The following DNAH3 variants were observed in gnomAD, a reference collection of about 807,000 sequenced individuals.
DNAH3 encodes axonemal beta dynein heavy chain 3.
A neutral mutation model predicts 432.5 loss-of-function variants in DNAH3; 332 were observed. The observed-to-expected ratio is 0.77, with a 90% confidence interval of 0.70 to 0.84. DNAH3 has a LOEUF of 0.84. Among genes scored for constraint, DNAH3 ranks in the 40% least tolerant of loss-of-function variants. The probability of loss-of-function intolerance (pLI) is 0.00; values close to 1 mark genes in which losing one functional copy is unlikely to be tolerated. For synonymous variants in DNAH3, 1,956 were observed against 1,900.2 expected (o/e 1.03, Z -0.76); for missense variants, 4,861 against 5,114.0 (o/e 0.95, Z 1.51).
Position 21,134,396 on chromosome 16 carries a change from G to A in DNAH3, c.945C>T (p.Pro315=), listed in dbSNP as rs778808747. 31 of 1,614,198 alleles carry A rather than the reference G, an allele frequency of 1.9e-5. No individual in the cohort carries two copies. The Middle Eastern group carries it at 1.8e-3, about 94-fold the overall frequency. The stretch of plus-strand genomic sequence containing the variant: ...GGATCACTCTTTGAGGAAACAAGCG[G>A]GGGATGCTCTCAATAAAGAGCCGTT... The change falls in exon 7 of 62, where the codon CCC becomes CCT. Residue 315 remains proline, a synonymous_variant. Transcript: ENST00000261383.
At chr16:21,070,343 C>T (rs192769372) in intron 22 of DNAH3, among the ~76,000 whole-genome samples, 4 of 152,132 alleles carry the variant, frequency 2.6e-5, no homozygotes, top group Admixed American at 6.6e-5. Context: ...AGTGCAATGG[C>T]GCGATCTCGG....
intron 43 of DNAH3, 51 bp from the exon 44 acceptor site, chr16:20,997,513 G>T: frequency 6.3e-7 from 1 of 1,588,974 alleles, no homozygotes; most frequent in Non-Finnish European, 8.6e-7. Flanking sequence ...GGCATCTTCT[G>T]CTCTTACAGA....
chr16:21,003,788 T>TAAATATATACAATTAA (rs1168360673), intron 41 of DNAH3, among the ~76,000 whole-genome samples: 1 of 151,230 alleles, frequency 6.6e-6, no homozygotes, highest in Non-Finnish European at 1.5e-5. Flanking sequence ...AATAAATCAA[T>TAAATATATACAATTAA]AAATATATAC....
At chr16:21,069,729 A>G in intron 22 of DNAH3, 135 bp from the exon 23 acceptor site, 1 of 745,966 alleles carries the variant, frequency 1.3e-6, no homozygotes, top group South Asian at 1.9e-5. Context: ...ATACTTATTG[A>G]GGGCTCCCTA....
At chr16:20,985,864 GTTTT>G in intron 47 of DNAH3, 149 bp from the exon 48 acceptor site, 1 of 849,746 alleles carries the variant, frequency 1.2e-6, no homozygotes, top group Non-Finnish European at 1.8e-6. Flanking sequence ...GTTTTGTTTC[GTTTT>G]GTTTTGAGAC....
Position 20,963,482 on chromosome 16 carries a change from G to A in DNAH3, c.10402C>T (p.Gln3468Ter), listed in dbSNP as rs1159439736. Reference sequence around the variant, plus strand: ...AGGATCACCATCTTCTCCAATCCTTGAGAGAACTTCCAAGACCCAGGGAGT... The same window carrying A: ...AGGATCACCATCTTCTCCAATCCTTAAGAGAACTTCCAAGACCCAGGGAGT... The change falls in exon 53 of 62, where the codon CAA becomes TAA. Residue 3468 changes from glutamine to a stop codon, truncating the protein, a stop_gained. Coordinates refer to ENST00000261383, the Ensembl canonical transcript of DNAH3. LOFTEE classifies it high-confidence loss of function. 4 of 1,613,990 alleles carry A rather than the reference G, an allele frequency of 2.5e-6. No homozygotes were observed. The highest frequency in any genetic ancestry group is 3.4e-6 in the Non-Finnish European group (4 of 1,180,034).
chr16:21,057,302 A>T (rs1320922842), intron 27 of DNAH3, among the ~76,000 whole-genome samples: 1 of 152,220 alleles, frequency 6.6e-6, no homozygotes, highest in East Asian at 1.9e-4. Flanking sequence ...ATATTTATTG[A>T]TCATCTACTC....
intron 19 of DNAH3, among the ~76,000 whole-genome samples, chr16:21,085,184 G>A (rs1424434614): frequency 6.6e-6 from 1 of 151,458 alleles, no homozygotes; most frequent in East Asian, 2.0e-4. Context: ...TTTGAGACCA[G>A]CCTGGGCAAC....
intron 1 of DNAH3, among the ~76,000 whole-genome samples, chr16:21,157,303 G>A (rs1479435345): frequency 1.3e-5 from 2 of 148,826 alleles, no homozygotes; most frequent in African/African-American, 5.0e-5. Context: ...CCACACTATT[G>A]CACCAGTCCT....
intron 41 of DNAH3, among the ~76,000 whole-genome samples, chr16:21,018,959 C>T (rs903713358): frequency 3.9e-5 from 6 of 151,960 alleles, no homozygotes; most frequent in Admixed American, 2.6e-4. Flanking sequence ...TATACGAAGG[C>T]ATGTCAACAC....
chr16:21,153,024 CG>C (rs1319776034), intron 1 of DNAH3, among the ~76,000 whole-genome samples: 1 of 152,182 alleles, frequency 6.6e-6, no homozygotes, highest in Non-Finnish European at 1.5e-5. Context: ...CCTGCAGCCC[CG>C]GTGCAGGAGC....
At chr16:20,952,233 A>T (rs1423691841) in intron 56 of DNAH3, among the ~76,000 whole-genome samples, 200 bp downstream of exon 56, 1 of 152,154 alleles carries the variant, frequency 6.6e-6, no homozygotes, top group South Asian at 2.1e-4. Context: ...GAGTCACTCA[A>T]GGGTAAAGAT....
exon 33 of DNAH3, chr16:21,039,930 G>C (rs776732266): frequency 1.9e-6 from 3 of 1,613,654 alleles, no homozygotes; most frequent in South Asian, 2.2e-5. Flanking sequence ...CATGGCCACT[G>C]TCCGGAACAA....
intron 24 of DNAH3, among the ~76,000 whole-genome samples, chr16:21,064,435 T>G (rs2090470194): frequency 6.6e-6 from 1 of 152,208 alleles, no homozygotes; most frequent in Non-Finnish European, 1.5e-5. Context: ...TGAGCTAAAC[T>G]GATCATGTGA....
chr16:21,107,231 T>C (rs2152801278), intron 14 of DNAH3, among the ~76,000 whole-genome samples: 1 of 136,258 alleles, frequency 7.3e-6, no homozygotes, highest in African/African-American at 2.7e-5. Context: ...ACTAAATTAA[T>C]TTTTAATCTT....
At chr16:21,029,049 T>A (rs1414014288) in intron 37 of DNAH3, among the ~76,000 whole-genome samples, 1 of 152,226 alleles carries the variant, frequency 6.6e-6, no homozygotes, top group Non-Finnish European at 1.5e-5. Flanking sequence ...GACCCACACC[T>A]GTGACTGTAG....
intron 44 of DNAH3, among the ~76,000 whole-genome samples, chr16:20,992,456 C>T (rs754861790): frequency 2.0e-5 from 3 of 152,196 alleles, no homozygotes; most frequent in Admixed American, 6.5e-5. Flanking sequence ...CGCCATTCTC[C>T]CGCCTCAGCC....
chr16:20,943,691 A>T (rs2083915528), intron 58 of DNAH3, among the ~76,000 whole-genome samples: 1 of 152,138 alleles, frequency 6.6e-6, no homozygotes, highest in Non-Finnish European at 1.5e-5. Flanking sequence ...GAACTTAACA[A>T]CTGTTAACGC....
exon 11 of DNAH3, chr16:21,120,780 T>C: frequency 6.2e-7 from 1 of 1,614,218 alleles, no homozygotes; most frequent in Admixed American, 1.7e-5. Flanking sequence ...TGGGCTCTCC[T>C]GGCTCAGCTG....
Sources: gnomAD v4.1 joint callset for allele counts (sites outside exome capture counted in the v4.1 genomes callset) on GRCh38, gnomAD v4.1.1 for gene constraint, MANE v1.5 for transcripts, NCBI Gene and HGNC (gene_info 2026-07-23, HGNC 2026-07-21) for gene names.